The following IL7 variants were observed in gnomAD, a reference collection of about 807,000 sequenced individuals.
The protein encoded by IL7 is interleukin-7.
A neutral mutation model predicts 21.6 loss-of-function variants in IL7; 3 were observed. That is an observed-to-expected ratio of 0.14 (90% CI 0.06 to 0.36). The LOEUF (loss-of-function observed/expected upper bound fraction) is 0.36, where lower values mean the gene tolerates loss of function less well. Among genes scored for constraint, IL7 ranks in the 10% least tolerant of loss-of-function variants. IL7 has a pLI of 1.00. For synonymous variants in IL7, 62 were observed against 68.1 expected, an observed-to-expected ratio of 0.91 and a Z score of 0.44; for missense variants, 175 against 200.2, an observed-to-expected ratio of 0.87 and a Z score of 0.76.
intron 2 of IL7, among the ~76,000 whole-genome samples, chr8:78,740,825 T>C (rs541154497): frequency 6.6e-6 from 1 of 152,216 alleles, no homozygotes; most frequent in Non-Finnish European, 1.5e-5. Flanking sequence ...TATGTGTGTA[T>C]TATAAACATA....
At chr8:78,718,748 A>G (rs2130625841) in intron 6 of IL7, 1 of 151,946 alleles carries the variant, frequency 6.6e-6, no homozygotes, top group South Asian at 2.1e-4. Context: ...TCAGTATATC[A>G]TAGTAGTTAG....
intron 5 of IL7, chr8:78,719,548 T>A (rs1811199675): frequency 6.6e-6 from 1 of 151,872 alleles, no homozygotes; most frequent in South Asian, 2.1e-4. Flanking sequence ...ATGTATTTTA[T>A]TTTTATTTAT....
intron 5 of IL7, 42 bp from the exon 6 acceptor site, chr8:78,733,874 C>CA (rs1267011154): frequency 7.8e-7 from 1 of 1,276,516 alleles, no homozygotes; most frequent in Non-Finnish European, 1.0e-6. Flanking sequence ...CACATTTTTA[C>CA]AAAAATATAT....
At chr8:78,783,281 C>T (rs1239192866) in intron 2 of IL7, among the ~76,000 whole-genome samples, 8 of 152,158 alleles carry the variant, frequency 5.3e-5, no homozygotes, top group Non-Finnish European at 8.8e-5. Flanking sequence ...TGCACCCATC[C>T]ACGGAAAAAT....
At position 78,736,527 on chromosome 8, in the gene IL7, C is replaced by T. The variant is rs1390355294; in HGVS notation, c.361G>A (p.Val121Ile). Residue 121 changes from valine to isoleucine, a missense_variant and splice_region_variant, in exon 5 of 6, where the codon GTT (valine) becomes ATT (isoleucine). Physicochemically the swap from Val to Ile is conservative, Grantham distance 29 (BLOSUM62 3). Coordinates refer to ENST00000263851, the MANE Select transcript of IL7 (RefSeq NM_000880.4). ...TTILLNCTGQ[V>I]KGRKPAALGE... The stretch of plus-strand genomic sequence containing the variant: ...AGGGCAGCTGGTTTTCTTCCTTTAA[C>T]CTTAAAAACAAAGTCACATTTATAA... 6.3e-7 allele frequency: 1 copy of T among 1,589,426 alleles called. No individual in the cohort carries two copies. The highest frequency in any genetic ancestry group is 8.6e-7 in the Non-Finnish European group (1 of 1,161,356).
intron 2 of IL7, among the ~76,000 whole-genome samples, chr8:78,791,514 C>G (rs1483635684): frequency 6.6e-6 from 1 of 152,066 alleles, no homozygotes; most frequent in Non-Finnish European, 1.5e-5. Flanking sequence ...GTGGCACATG[C>G]CTGTAATCCT....
intron 3 of IL7, among the ~76,000 whole-genome samples, chr8:78,723,006 T>C (rs1270836215): frequency 6.7e-6 from 1 of 150,040 alleles, no homozygotes; most frequent in Non-Finnish European, 1.5e-5. Flanking sequence ...ATAATAACCA[T>C]AAAAAATAGG....
chr8:78,796,909 C>T (rs1253947234), intron 2 of IL7, among the ~76,000 whole-genome samples: 2 of 151,862 alleles, frequency 1.3e-5, no homozygotes, highest in Non-Finnish European at 2.9e-5. Context: ...TAGGTATTTA[C>T]CTGAGTTGAA....
chr8:78,741,347 A>T (rs779332798), intron 2 of IL7, among the ~76,000 whole-genome samples: 10 of 152,208 alleles, frequency 6.6e-5, no homozygotes, highest in African/African-American at 1.2e-4. Flanking sequence ...ATATTTGCCT[A>T]TTAAGTCATT....
chr8:78,798,907 A>G (rs557428873), intron 1 of IL7, among the ~76,000 whole-genome samples: 2 of 152,222 alleles, frequency 1.3e-5, no homozygotes, highest in Middle Eastern at 3.4e-3. Flanking sequence ...AACTCTGTAA[A>G]TAAATTCACA....
At chr8:78,761,005 T>A (rs577467037) in intron 2 of IL7, 2 of 1,606,260 alleles carry the variant, frequency 1.2e-6, no homozygotes, top group South Asian at 2.2e-5. Flanking sequence ...CAAAATCTGT[T>A]ACTGCACTGC....
At chr8:78,796,510 C>A (rs181418485) in intron 2 of IL7, among the ~76,000 whole-genome samples, 67 of 151,672 alleles carry the variant, frequency 4.4e-4, no homozygotes, top group Non-Finnish European at 8.3e-4. Flanking sequence ...CCAGATAATA[C>A]AATTAAATGA....
intron 2 of IL7, among the ~76,000 whole-genome samples, chr8:78,770,384 T>G (rs1203521975): frequency 6.6e-6 from 1 of 152,062 alleles, no homozygotes; most frequent in Non-Finnish European, 1.5e-5. Flanking sequence ...GAGGCTAACC[T>G]AATTGTATCC....
At chr8:78,741,171 A>C (rs1268942141) in intron 2 of IL7, among the ~76,000 whole-genome samples, 1 of 152,194 alleles carries the variant, frequency 6.6e-6, no homozygotes, top group Non-Finnish European at 1.5e-5. Flanking sequence ...TCACCTGTGA[A>C]AAGCATGATG....
chr8:78,719,166 T>C (rs1291216124), intron 5 of IL7: 1 of 151,806 alleles, frequency 6.6e-6, no homozygotes, highest in Non-Finnish European at 1.5e-5. Flanking sequence ...AAATCACTTC[T>C]GTTATAAATC....
rs536061061 is a variant in IL7 at position 78,758,615 on chromosome 8, T to C, written c.148-18533A>G. Among the ~76,000 whole-genome samples the C allele has an allele frequency of 3.9e-5, 6 of 152,228 alleles. No individual in the cohort carries two copies. In the South Asian group the frequency reaches 1.0e-3, roughly 26 times the overall value. On this transcript the variant is annotated intron_variant, in intron 2 of 5. Transcript: ENST00000263851. ...CTCCATCCTTTTTAAAGGATAGCTT[T>C]CCTGGGCATAGTATTCTTCATTGGC... is the stretch of plus-strand genomic sequence containing the variant.
chr8:78,780,488 A>G (rs1813291795), intron 2 of IL7, among the ~76,000 whole-genome samples: 1 of 152,240 alleles, frequency 6.6e-6, no homozygotes, highest in African/African-American at 2.4e-5. Flanking sequence ...TTCATTATTT[A>G]CCGAGGAGTC....
intron 1 of IL7, among the ~76,000 whole-genome samples, chr8:78,803,438 A>G (rs895808952): frequency 6.6e-6 from 1 of 152,254 alleles, no homozygotes; most frequent in Non-Finnish European, 1.5e-5. Context: ...GGTAAAGAGT[A>G]ACATTATGTG....
intron 3 of IL7, among the ~76,000 whole-genome samples, chr8:78,698,033 A>T (rs1224947896): frequency 6.6e-6 from 1 of 151,798 alleles, no homozygotes. Flanking sequence ...GTTGTTATTG[A>T]TGTCATCTGT....
Sources: allele counts gnomAD v4.1 joint callset (sites outside exome capture counted in the v4.1 genomes callset), GRCh38; gene constraint gnomAD v4.1.1; transcripts MANE v1.5; gene names NCBI Gene and HGNC (gene_info 2026-07-23, HGNC 2026-07-21).